COMMD6: variants seen among roughly 807,000 people sequenced by gnomAD.
COMMD6 encodes COMM domain containing 6, also known as COMM domain-containing protein 6.
In COMMD6, 11 loss-of-function variants were observed where a neutral mutation model predicts 13.4. The observed-to-expected ratio is 0.82, with a 90% CI of 0.52 to 1.36. COMMD6 has a LOEUF of 1.36. Among genes scored for constraint, COMMD6 ranks in the 40% most tolerant of loss-of-function variants. The pLI is 0.00. For missense variants in COMMD6, 124 were observed against 102.4 expected (o/e 1.21, Z -0.91); for synonymous variants, 43 against 36.5 (o/e 1.18, Z -0.64).
At chr13:75,544,180 T>G (rs1323731723) in intron 1 of COMMD6, among the ~76,000 whole-genome samples, 2 of 152,220 alleles carry the variant, frequency 1.3e-5, no homozygotes, top group Non-Finnish European at 2.9e-5. Context: ...GGAATAAGCA[T>G]GATCACTAAT....
intron 3 of COMMD6, among the ~76,000 whole-genome samples, chr13:75,527,253 T>C (rs1424067706): frequency 6.6e-6 from 1 of 152,230 alleles, no homozygotes; most frequent in Non-Finnish European, 1.5e-5. Flanking sequence ...AAACTTAACC[T>C]TGGCAATCAG....
intron 2 of COMMD6, among the ~76,000 whole-genome samples, chr13:75,535,243 A>G (rs991971496): frequency 2.0e-5 from 3 of 152,174 alleles, no homozygotes; most frequent in African/African-American, 7.2e-5. Context: ...ATGAGCTAGG[A>G]AGAGTGGTAA....
intron 2 of COMMD6, among the ~76,000 whole-genome samples, chr13:75,532,319 T>C (rs932334901): frequency 6.6e-6 from 1 of 152,140 alleles, no homozygotes; most frequent in African/African-American, 2.4e-5. Flanking sequence ...ACATTTCTGG[T>C]TGAAAGGAAG....
chr13:75,538,473 A>C (rs142246414), upstream of COMMD6, among the ~76,000 whole-genome samples: 417 of 152,314 alleles, frequency 2.7e-3, 5 homozygotes, highest in African/African-American at 9.6e-3. Flanking sequence ...GAAAAATTGC[A>C]AAAAATAATT....
intron 1 of COMMD6, chr13:75,549,269 G>T (rs1341119465): frequency 6.4e-6 from 1 of 155,544 alleles, no homozygotes; most frequent in African/African-American, 2.4e-5. Flanking sequence ...CCTCCCGCAA[G>T]AGCAGACAAG....
intron 2 of COMMD6, among the ~76,000 whole-genome samples, chr13:75,532,492 C>T (rs998125195): frequency 1.3e-5 from 2 of 152,170 alleles, no homozygotes; most frequent in Admixed American, 1.3e-4. Flanking sequence ...TTGGGCGGAA[C>T]CAATTACAGA....
intron 1 of COMMD6, among the ~76,000 whole-genome samples, chr13:75,548,622 A>G (rs1465621043): frequency 1.3e-5 from 2 of 152,128 alleles, no homozygotes; most frequent in Non-Finnish European, 2.9e-5. Flanking sequence ...TTCAGCATTT[A>G]TTTCTCACAC....
rs923008670 is a variant in COMMD6, at chr13:75,535,305, C to T, written c.54+2359G>A. Among the ~76,000 whole-genome samples, 6 of 152,184 alleles carry T rather than the reference C, an allele frequency of 3.9e-5. No individual in the cohort carries two copies. In the South Asian group the frequency reaches 6.2e-4, roughly 16 times the overall value. The stretch of plus-strand genomic sequence containing the variant: ...CCCTGTAGGCCACAGTAAATACCTA[C>T]GACTTTTTTCCAGTGTGACAAGAAT... On this transcript the variant is annotated intron_variant, in intron 2 of 3. Transcript: ENST00000682242.
rs1347319472 is a variant in COMMD6 at position 75,537,529 on chromosome 13, C to A, written c.54+135G>T. On this transcript the variant is annotated intron_variant, in intron 2 of 3. Coordinates refer to ENST00000682242, the MANE Select transcript of COMMD6 (RefSeq NM_203495.4). Reference sequence around the variant, plus strand: ...CAGGTGCAAAAGAGAAGGAGCAATGCAAGAGGGACGGCTGAAGGTCACCGG... The same window carrying A: ...CAGGTGCAAAAGAGAAGGAGCAATGAAAGAGGGACGGCTGAAGGTCACCGG... The A allele has an allele frequency of 1.9e-6, 3 of 1,582,838 alleles. No individual in the cohort carries two copies. The African/African-American group carries it at 4.0e-5, about 21-fold the overall frequency.
chr13:75,546,865 AC>A (rs2030912844), intron 1 of COMMD6, among the ~76,000 whole-genome samples: 1 of 152,262 alleles, frequency 6.6e-6, no homozygotes, highest in African/African-American at 2.4e-5. Context: ...GTTGCCGTGA[AC>A]ACTGAATTAG....
At chr13:75,538,068 A>T (rs532865006), upstream of COMMD6, 1 of 417,812 alleles carries the variant, frequency 2.4e-6, no homozygotes, top group South Asian at 6.4e-5. Flanking sequence ...TAAATTTAGG[A>T]TGCCGCTTCC....
At chr13:75,538,471 G>A (rs562764117), upstream of COMMD6, among the ~76,000 whole-genome samples, 5 of 152,134 alleles carry the variant, frequency 3.3e-5, no homozygotes, top group South Asian at 8.3e-4. Context: ...CAGAAAAATT[G>A]CAAAAAATAA....
chr13:75,532,956 A>C (rs1399535872), intron 2 of COMMD6, among the ~76,000 whole-genome samples: 1 of 142,394 alleles, frequency 7.0e-6, no homozygotes, highest in Non-Finnish European at 1.5e-5. Flanking sequence ...TTTGAGATGG[A>C]GTCTCGCTCT....
chr13:75,530,075 G>C, intron 3 of COMMD6, 39 bp downstream of exon 3: 2 of 1,535,406 alleles, frequency 1.3e-6, no homozygotes, highest in Non-Finnish European at 1.8e-6. Flanking sequence ...AATGATTACA[G>C]AAAAGCTGAG....
rs778412809 is a variant in COMMD6 at position 75,537,825 on chromosome 13, C to G, written c.-20G>C. On this transcript the variant is annotated 5_prime_UTR_variant, in exon 1 of 4. Coordinates refer to ENST00000682242, the MANE Select transcript of COMMD6 (RefSeq NM_203495.4). ...CTCCATGGGCAGCGTCTGGGACTTGCGGCCCGGACTCGAGAGAACGCCCCC... is the reference window on the plus strand; with the variant it reads ...CTCCATGGGCAGCGTCTGGGACTTGGGGCCCGGACTCGAGAGAACGCCCCC... 6.3e-7 allele frequency: 1 copy of G among 1,586,788 alleles called. No individual in the cohort carries two copies.
At chr13:75,535,826 T>C (rs1476713301) in intron 2 of COMMD6, among the ~76,000 whole-genome samples, 1 of 152,214 alleles carries the variant, frequency 6.6e-6, no homozygotes, top group Non-Finnish European at 1.5e-5. Flanking sequence ...GTCTACCGCT[T>C]TTTGTAATTT....
intron 2 of COMMD6, among the ~76,000 whole-genome samples, chr13:75,532,424 G>A (rs1040523490): frequency 6.6e-6 from 1 of 152,166 alleles, no homozygotes; most frequent in African/African-American, 2.4e-5. Flanking sequence ...AGGAAAATGT[G>A]TTTTATTTAT....
At chr13:75,536,833 T>G (rs1032524483) in intron 2 of COMMD6, among the ~76,000 whole-genome samples, 4 of 152,220 alleles carry the variant, frequency 2.6e-5, no homozygotes, top group African/African-American at 7.2e-5. Flanking sequence ...CAGAATATCT[T>G]AAATACAAAA....
At chr13:75,535,202 G>C (rs968539787) in intron 2 of COMMD6, among the ~76,000 whole-genome samples, 3 of 152,198 alleles carry the variant, frequency 2.0e-5, no homozygotes, top group African/African-American at 7.2e-5. Context: ...GCGTGTTCAG[G>C]GAACAATGAG....
Sources: gnomAD v4.1 joint callset for allele counts (sites outside exome capture counted in the v4.1 genomes callset) on GRCh38, gnomAD v4.1.1 for gene constraint, MANE v1.5 for transcripts, NCBI Gene and HGNC (gene_info 2026-07-23, HGNC 2026-07-21) for gene names.